Variants in MCTP1 observed in about 807,000 individuals in gnomAD.
MCTP1 encodes the protein multiple C2 and transmembrane domain-containing protein 1.
In MCTP1, 69 loss-of-function variants were observed where a neutral mutation model predicts 120.6. That is an observed-to-expected ratio of 0.57 (90% CI 0.47 to 0.70). The LOEUF (loss-of-function observed/expected upper bound fraction) is 0.70, where lower values mean the gene tolerates loss of function less well. Among genes scored for constraint, MCTP1 ranks in the 30% least tolerant of loss-of-function variants. The probability of loss-of-function intolerance (pLI) is 0.00; values close to 1 mark genes in which losing one functional copy is unlikely to be tolerated. For synonymous variants in MCTP1, 529 were observed against 493.1 expected, an observed-to-expected ratio of 1.07 and a Z score of -0.96; for missense variants, 1,203 against 1,248.8, an observed-to-expected ratio of 0.96 and a Z score of 0.55.
chr5:94,925,949 TA>T (rs1192832003), intron 6 of MCTP1, among the ~76,000 whole-genome samples: 4 of 152,124 alleles, frequency 2.6e-5, no homozygotes, highest in African/African-American at 7.2e-5. Flanking sequence ...TCCTCAAAGA[TA>T]AAAAAATCTA....
intron 17 of MCTP1, among the ~76,000 whole-genome samples, chr5:94,823,556 A>T (rs1362631375): frequency 6.6e-6 from 1 of 152,200 alleles, no homozygotes; most frequent in Non-Finnish European, 1.5e-5. Flanking sequence ...TGAAATTTAA[A>T]GTAGTTTTTT....
chr5:95,171,245 C>G (rs1028648923), intron 1 of MCTP1, among the ~76,000 whole-genome samples: 1 of 152,178 alleles, frequency 6.6e-6, no homozygotes, highest in Non-Finnish European at 1.5e-5. Context: ...GGCCCCCACT[C>G]TCTTCTGGCT....
At chr5:94,751,164 T>TG (rs1393305142) in intron 19 of MCTP1, among the ~76,000 whole-genome samples, 1 of 151,988 alleles carries the variant, frequency 6.6e-6, no homozygotes, top group East Asian at 1.9e-4. Flanking sequence ...CCTGACAGAG[T>TG]GATAAGTCAG....
intron 1 of MCTP1, among the ~76,000 whole-genome samples, chr5:95,280,290 A>G (rs1177385116): frequency 6.6e-6 from 1 of 152,248 alleles, no homozygotes; most frequent in African/African-American, 2.4e-5. Flanking sequence ...ACATACACTG[A>G]ATAATTTTCC....
At chr5:94,926,935 C>T (rs1813278163) in intron 6 of MCTP1, among the ~76,000 whole-genome samples, 1 of 152,190 alleles carries the variant, frequency 6.6e-6, no homozygotes, top group Admixed American at 6.5e-5. Context: ...CATTTTGTCC[C>T]TTCACTTTGT....
chr5:94,930,003 C>T (rs1229230011), intron 6 of MCTP1, among the ~76,000 whole-genome samples: 2 of 152,016 alleles, frequency 1.3e-5, no homozygotes, highest in East Asian at 3.9e-4. Flanking sequence ...CTGCCAAGTA[C>T]TCAAATGAGT....
intron 17 of MCTP1, among the ~76,000 whole-genome samples, chr5:94,847,551 C>A (rs1792677782): frequency 6.6e-6 from 1 of 151,648 alleles, no homozygotes; most frequent in African/African-American, 2.4e-5. Flanking sequence ...AAGATGGATT[C>A]TTTGCCTTTT....
At chr5:94,859,839 ATTATT>A (rs1795415442) in intron 17 of MCTP1, among the ~76,000 whole-genome samples, 1 of 151,658 alleles carries the variant, frequency 6.6e-6, no homozygotes. Context: ...TTGGTGATCT[ATTATT>A]TTAAGTTCAA....
At chr5:95,090,057 T>C (rs2152339703) in intron 1 of MCTP1, among the ~76,000 whole-genome samples, 1 of 152,232 alleles carries the variant, frequency 6.6e-6, no homozygotes, top group South Asian at 2.1e-4. Context: ...CTCCTTTCAT[T>C]CCTCTCCACA....
At chr5:94,884,694 A>T (rs1439989214) in intron 12 of MCTP1, among the ~76,000 whole-genome samples, 1 of 152,182 alleles carries the variant, frequency 6.6e-6, no homozygotes. Context: ...CACAGACAGC[A>T]AAACAAAATG....
At chr5:95,153,225 T>C (rs1300537462) in intron 1 of MCTP1, among the ~76,000 whole-genome samples, 1 of 152,174 alleles carries the variant, frequency 6.6e-6, no homozygotes, top group Admixed American at 6.6e-5. Flanking sequence ...TTAAAAATGT[T>C]TGGCATTCCC....
chr5:95,103,343 A>G (rs1756877518), intron 1 of MCTP1, among the ~76,000 whole-genome samples: 1 of 152,056 alleles, frequency 6.6e-6, no homozygotes, highest in South Asian at 2.1e-4. Flanking sequence ...GTGGAGAAAA[A>G]GGTTTCCAGG....
intron 1 of MCTP1, among the ~76,000 whole-genome samples, chr5:95,176,199 C>T (rs1298654196): frequency 6.6e-6 from 1 of 151,992 alleles, no homozygotes; most frequent in Non-Finnish European, 1.5e-5. Context: ...TTAGTATGCC[C>T]AGCACTATTC....
intron 18 of MCTP1, among the ~76,000 whole-genome samples, chr5:94,786,463 T>C (rs913072722): frequency 6.6e-6 from 1 of 152,174 alleles, no homozygotes; most frequent in Non-Finnish European, 1.5e-5. Flanking sequence ...AAAGTCCTAG[T>C]GGGTTTAGAC....
intron 1 of MCTP1, among the ~76,000 whole-genome samples, chr5:95,131,667 T>G (rs923937181): frequency 6.6e-6 from 1 of 152,212 alleles, no homozygotes; most frequent in African/African-American, 2.4e-5. Flanking sequence ...CATTTACTCT[T>G]TATCTCTCTA....
intron 1 of MCTP1, chr5:95,081,723 A>T (rs1754972723): frequency 1.6e-6 from 2 of 1,251,058 alleles, no homozygotes; most frequent in Non-Finnish European, 2.0e-6. Context: ...CAAACCAGTA[A>T]GGGAAGAGTT....
intron 1 of MCTP1, among the ~76,000 whole-genome samples, chr5:95,208,764 T>C (rs973132338): frequency 6.6e-6 from 1 of 151,978 alleles, no homozygotes; most frequent in African/African-American, 2.4e-5. Context: ...ATATGTATTA[T>C]CCTTAGTTTT....
At position 94,861,958 on chromosome 5, in the gene MCTP1, C is replaced by T. The variant is rs370294085; in HGVS notation, c.2436+6375G>A. On this transcript the variant is annotated intron_variant, in intron 17 of 22. Coordinates refer to ENST00000515393, the MANE Select transcript of MCTP1 (RefSeq NM_024717.7). ...AAAAACACACCGAGGCTTTGGTGTCCTCCACCACGCCAACTTTTATTGATA... is the reference window on the plus strand; with the variant it reads ...AAAAACACACCGAGGCTTTGGTGTCTTCCACCACGCCAACTTTTATTGATA... Among the ~76,000 whole-genome samples, 55 of 151,848 alleles carry T rather than the reference C, an allele frequency of 3.6e-4. No homozygotes were observed. The East Asian group carries it at 6.0e-3, about 17-fold the overall frequency.
intron 3 of MCTP1, among the ~76,000 whole-genome samples, chr5:94,950,360 T>C (rs1185337297): frequency 2.0e-5 from 3 of 152,072 alleles, no homozygotes; most frequent in Non-Finnish European, 4.4e-5. Context: ...CTACATAATC[T>C]TATATATTGA....
Sources: allele counts gnomAD v4.1 joint callset (sites outside exome capture counted in the v4.1 genomes callset), GRCh38; gene constraint gnomAD v4.1.1; transcripts MANE v1.5; gene names NCBI Gene and HGNC (gene_info 2026-07-23, HGNC 2026-07-21).